The following ANK2 variants were observed in gnomAD, a reference collection of about 807,000 sequenced individuals.
ANK2 encodes the protein ankyrin 2.
A neutral mutation model predicts 360.5 loss-of-function variants in ANK2; 83 were observed. The ratio of observed to expected loss-of-function variants is 0.23; its 90% CI spans 0.19 to 0.28. ANK2 has a LOEUF of 0.28. ANK2 is among the 10% of genes least tolerant of loss of function. The pLI is 1.00. For synonymous variants in ANK2, 1,740 were observed against 1,759.5 expected, an observed-to-expected ratio of 0.99 and a Z score of 0.28; for missense variants, 4,201 against 4,795.7, an observed-to-expected ratio of 0.88 and a Z score of 3.66.
At chr4:112,814,191 A>G (rs1173051106), upstream of ANK2, among the ~76,000 whole-genome samples, 1 of 152,240 alleles carries the variant, frequency 6.6e-6, no homozygotes, top group Non-Finnish European at 1.5e-5. Context: ...TTGAAATAAG[A>G]TCGCATCCTT....
intron 2 of ANK2, among the ~76,000 whole-genome samples, chr4:112,983,530 A>G (rs945133873): frequency 2.0e-5 from 3 of 151,908 alleles, no homozygotes; most frequent in African/African-American, 7.3e-5. Flanking sequence ...AAAAATACAA[A>G]ATTAGCTGGG....
At chr4:112,810,159 AT>A in the ANK2 span, among the ~76,000 whole-genome samples, 250 of 34,812 alleles carry the variant, frequency 7.2e-3, no homozygotes, top group Middle Eastern at 0.026. Flanking sequence ...ATATATATAT[AT>A]TTTTTTTTTT....
At chr4:112,744,380 T>C in the ANK2 span, among the ~76,000 whole-genome samples, 1 of 147,792 alleles carries the variant, frequency 6.8e-6, no homozygotes, top group African/African-American at 2.5e-5. Flanking sequence ...GGGGTCTTGC[T>C]CTGTTGCCCA....
At chr4:113,030,605 A>G (rs951305995) in intron 2 of ANK2, among the ~76,000 whole-genome samples, 2 of 152,112 alleles carry the variant, frequency 1.3e-5, no homozygotes, top group Non-Finnish European at 2.9e-5. Flanking sequence ...GAAGGAAAAG[A>G]ACAGGAGGAA....
At chr4:112,844,021 A>G (rs1457849677) in intron 1 of ANK2, among the ~76,000 whole-genome samples, 1 of 152,208 alleles carries the variant, frequency 6.6e-6, no homozygotes, top group Non-Finnish European at 1.5e-5. Context: ...AGACAACACA[A>G]AATTGTTCTG....
intron 1 of ANK2, among the ~76,000 whole-genome samples, chr4:113,112,635 T>C (rs1038002229): frequency 7.9e-5 from 12 of 152,280 alleles, no homozygotes; most frequent in African/African-American, 2.4e-4. Flanking sequence ...ATCTTCTTTA[T>C]GTCAAGGGGT....
At chr4:113,019,406 T>C (rs2154296657) in intron 2 of ANK2, among the ~76,000 whole-genome samples, 1 of 152,316 alleles carries the variant, frequency 6.6e-6, no homozygotes, top group Admixed American at 6.5e-5. Context: ...TATTTGCTTT[T>C]GGATAGCCTT....
intron 1 of ANK2, among the ~76,000 whole-genome samples, chr4:113,113,038 C>T (rs2094453016): frequency 6.6e-6 from 1 of 152,150 alleles, no homozygotes; most frequent in South Asian, 2.1e-4. Context: ...CCATTGGACT[C>T]ACTTACTCAG....
intron 7 of ANK2, among the ~76,000 whole-genome samples, chr4:113,238,952 A>C (rs2099404474): frequency 6.6e-6 from 1 of 152,146 alleles, no homozygotes; most frequent in African/African-American, 2.4e-5. Flanking sequence ...AAAATGATCC[A>C]CCCACCCTCA....
chr4:113,314,932 T>C (rs144108842), intron 24 of ANK2, among the ~76,000 whole-genome samples: 152 of 147,288 alleles, frequency 1.0e-3, no homozygotes, highest in African/African-American at 3.8e-3. Flanking sequence ...GACACTCCTA[T>C]ATATGGTTTT....
At chr4:113,262,197 A>G (rs942605855) in intron 13 of ANK2, among the ~76,000 whole-genome samples, 5 of 152,142 alleles carry the variant, frequency 3.3e-5, no homozygotes, top group Admixed American at 6.5e-5. Flanking sequence ...CTTTTATCAG[A>G]CCTAGAAATA....
At position 113,375,506 on chromosome 4, in the gene ANK2, A is replaced by T. The variant is rs572378430; in HGVS notation, c.11859+2057A>T. Among the ~76,000 whole-genome samples, 63 of 152,164 alleles carry T rather than the reference A, an allele frequency of 4.1e-4. 1 individual carries two copies. The highest frequency in any genetic ancestry group is 1.5e-3 in the African/African-American group (63 of 41,524). Reference sequence around the variant, plus strand: ...TTTGGGAGGCCGAGGCAGGCGGATCACAAGGTCAGGAGATCGAGACCATCC... The same window carrying T: ...TTTGGGAGGCCGAGGCAGGCGGATCTCAAGGTCAGGAGATCGAGACCATCC... On this transcript the variant is annotated intron_variant, in intron 45 of 45. Coordinates refer to ENST00000357077, the MANE Select transcript of ANK2 (RefSeq NM_001148.6).
Position 113,373,311 on chromosome 4 carries a change from T to C in ANK2, c.11721T>C (p.Tyr3907=). 1.2e-6 allele frequency: 2 copies of C among 1,613,830 alleles called. No homozygotes were observed. Among genetic ancestry groups the C allele is most frequent in the Non-Finnish European group, 8.5e-7 (1 of 1,179,704 alleles). ...KKVTRKIIRR[Y]VSSEGTEKEE... ...TTACTAGGAAAATCATTAGGCGGTA[T>C]GTATCCTCTGAAGGCACAGAGAAAG... The change falls in exon 45 of 46, where the codon TAT becomes TAC. Residue 3907 remains tyrosine, a synonymous_variant. Coordinates refer to ENST00000357077, the MANE Select transcript of ANK2 (RefSeq NM_001148.6).
intron 1 of ANK2, among the ~76,000 whole-genome samples, chr4:113,135,695 C>A (rs1016722347): frequency 2.0e-5 from 3 of 152,174 alleles, no homozygotes; most frequent in Admixed American, 2.0e-4. Flanking sequence ...CAGTCTTACT[C>A]TTACCTCATG....
the ANK2 span, among the ~76,000 whole-genome samples, chr4:112,782,448 G>T: frequency 2.0e-5 from 3 of 152,084 alleles, no homozygotes; most frequent in East Asian, 1.9e-4. Flanking sequence ...AATAGTAATG[G>T]AATCAAATAG....
At chr4:113,074,220 T>C (rs1254300210) in intron 1 of ANK2, among the ~76,000 whole-genome samples, 1 of 152,226 alleles carries the variant, frequency 6.6e-6, no homozygotes, top group Non-Finnish European at 1.5e-5. Context: ...CAACTTGATG[T>C]GTATTTATTA....
At chr4:112,946,299 G>A (rs776963432) in intron 2 of ANK2, among the ~76,000 whole-genome samples, 14 of 152,144 alleles carry the variant, frequency 9.2e-5, no homozygotes, top group East Asian at 1.9e-4. Context: ...GGATGGGGTC[G>A]GCTTTCAGGA....
intron 10 of ANK2, among the ~76,000 whole-genome samples, chr4:113,252,393 C>T (rs1440693741): frequency 2.0e-5 from 3 of 152,148 alleles, no homozygotes; most frequent in African/African-American, 4.8e-5. Flanking sequence ...GTTTAAATCA[C>T]CCATTCTTTC....
intron 24 of ANK2, 52 bp downstream of exon 24, chr4:113,311,451 T>C (rs2079912784): frequency 6.2e-7 from 1 of 1,601,018 alleles, no homozygotes; most frequent in Non-Finnish European, 8.6e-7. Flanking sequence ...TGCAACATAT[T>C]TTTTATGATG....
Sources: gnomAD v4.1 joint callset for allele counts (sites outside exome capture counted in the v4.1 genomes callset) on GRCh38, gnomAD v4.1.1 for gene constraint, MANE v1.5 for transcripts, NCBI Gene and HGNC (gene_info 2026-07-23, HGNC 2026-07-21) for gene names.